The following POLD2 variants were observed in gnomAD, a reference collection of about 807,000 sequenced individuals.
The protein encoded by POLD2 is DNA polymerase delta subunit 2.
In POLD2, 31 loss-of-function variants were observed where a neutral mutation model predicts 48.8. The ratio of observed to expected loss-of-function variants is 0.64; its 90% CI spans 0.48 to 0.86. POLD2 has a LOEUF of 0.86. Among genes scored for constraint, POLD2 ranks in the 40% least tolerant of loss-of-function variants. The pLI is 0.00. For synonymous variants in POLD2, 233 were observed against 256.3 expected (o/e 0.91, Z 0.87); for missense variants, 455 against 610.1 (o/e 0.75, Z 2.68).
At chr7:44,117,823 C>T in intron 3 of POLD2, 81 bp from the exon 4 acceptor site, 1 of 1,601,718 alleles carries the variant, frequency 6.2e-7, no homozygotes, top group Non-Finnish European at 8.5e-7. Context: ...CACCGCAGCC[C>T]CCACCCCTCT....
chr7:44,122,530 A>T, intron 1 of POLD2: 2 of 851,608 alleles, frequency 2.3e-6, no homozygotes, highest in Non-Finnish European at 2.8e-6. Flanking sequence ...CCTATTATTA[A>T]ATAATAATAG....
At chr7:44,117,581 C>A in intron 4 of POLD2, 38 bp downstream of exon 4, 1 of 1,580,720 alleles carries the variant, frequency 6.3e-7, no homozygotes, top group South Asian at 1.2e-5. Flanking sequence ...CTGGGCTCTT[C>A]ACCTGCATCA....
At chr7:44,123,739 G>A (rs1365801344), upstream of POLD2, 7 of 1,330,434 alleles carry the variant, frequency 5.3e-6, no homozygotes, top group African/African-American at 3.1e-5. Context: ...ACGCGGGGCG[G>A]GGGCTCGCAG....
Position 44,118,082 on chromosome 7 carries a change from CAG to C in POLD2, c.221-20_221-19del. 6.2e-7 allele frequency: 1 copy of C among 1,613,256 alleles called. No individual in the cohort carries two copies. The highest frequency in any genetic ancestry group is 8.5e-7 in the Non-Finnish European group (1 of 1,179,510). ...TCCACTGCCTGGGACACGAGGGGTA[CAG>C]ACTCAGAGATGAAGTAGCCCCCCCG... is the stretch of plus-strand genomic sequence containing the variant. On this transcript the variant is annotated intron_variant, in intron 2 of 10. Coordinates refer to ENST00000610533, the MANE Select transcript of POLD2 (RefSeq NM_006230.4).
In POLD2 at chr7:44,121,823, C is replaced by T. The variant is rs777710513; in HGVS notation, c.220+11G>A. 65 of 1,607,024 alleles carry T rather than the reference C, an allele frequency of 4.0e-5. No individual in the cohort carries two copies. Among genetic ancestry groups the T allele is most frequent in the South Asian group, 1.7e-4 (15 of 90,652 alleles). On this transcript the variant is annotated intron_variant, in intron 2 of 10. Transcript: ENST00000610533. This position sits in a 1 kb window ranked among gnomAD's most constrained non-coding sequence, Gnocchi z 4.5. The stretch of plus-strand genomic sequence containing the variant: ...GCTGTGGGGGAAGCACCTTCCCAAA[C>T]TCTCACTTACCCCAGTGCTGCTGGG...
intron 2 of POLD2, 84 bp from the exon 3 acceptor site, chr7:44,118,148 G>A: frequency 6.7e-7 from 1 of 1,495,680 alleles, no homozygotes. Flanking sequence ...AGCACTCCAT[G>A]AGAGGCCAAT....
At chr7:44,117,295 C>A in intron 4 of POLD2, 48 bp from the exon 5 acceptor site, 1 of 1,377,538 alleles carries the variant, frequency 7.3e-7, no homozygotes, top group East Asian at 2.3e-5. Flanking sequence ...CAGGTGCTAC[C>A]ACTCCTTCCA....
upstream of POLD2, chr7:44,123,785 T>G (rs2096251825): frequency 8.6e-7 from 1 of 1,166,784 alleles, no homozygotes; most frequent in Admixed American, 4.2e-5. Flanking sequence ...CGGCCGCGCG[T>G]GCAGGGGTTG....
Position 44,116,226 on chromosome 7 carries a change from T to C in POLD2, c.908A>G (p.Asn303Ser), listed in dbSNP as rs3087366. 10 of 1,613,332 alleles carry C rather than the reference T, an allele frequency of 6.2e-6. 1 individual carries two copies. In the East Asian group the frequency reaches 2.2e-4, roughly 36 times the overall value. The change falls in exon 8 of 11, where the codon AAT becomes AGT. Residue 303 changes from asparagine (N) to serine (S), a missense_variant. Asn to Ser is a conservative substitution (Grantham distance 46, BLOSUM62 1). Transcript: ENST00000610533. The surrounding 1 kb of genome is among the most constrained non-coding windows in gnomAD (Gnocchi z 6.1). The stretch of plus-strand genomic sequence containing the variant: ...GAGGGGCTGCTGGGGGAGCGTGTAA[T>C]TGGTGGGATCAAACTCGCCTGGCAT... ...DVMPGEFDPT[N>S]YTLPQQPLHP...
chr7:44,115,123 G>GCCTC (rs1401992183), intron 10 of POLD2, among the ~76,000 whole-genome samples, 172 bp downstream of exon 10: 3 of 152,230 alleles, frequency 2.0e-5, no homozygotes, highest in Non-Finnish European at 4.4e-5. Flanking sequence ...CTGCCCAGCT[G>GCCTC]GCGAGGCAGC....
At chr7:44,119,788 T>G (rs2096245825) in intron 2 of POLD2, among the ~76,000 whole-genome samples, 2 of 152,296 alleles carry the variant, frequency 1.3e-5, no homozygotes, top group East Asian at 1.9e-4. Context: ...CTCAGCCCAC[T>G]GGGTCTAGGC....
chr7:44,118,934 A>G (rs2096244658), intron 2 of POLD2, among the ~76,000 whole-genome samples: 1 of 152,182 alleles, frequency 6.6e-6, no homozygotes, highest in South Asian at 2.1e-4. Context: ...CTTAAAAAGA[A>G]GCATGCCAAG....
Position 44,116,097 on chromosome 7 carries a change from T to C in POLD2, c.1019+18A>G, listed in dbSNP as rs770545411. 6 of 1,613,270 alleles carry C rather than the reference T, an allele frequency of 3.7e-6. No homozygotes were observed. The highest frequency in any genetic ancestry group is 5.1e-6 in the Non-Finnish European group (6 of 1,179,948). On this transcript the variant is annotated intron_variant, in intron 8 of 10. Transcript: ENST00000610533. This position sits in a 1 kb window ranked among gnomAD's most constrained non-coding sequence, Gnocchi z 6.1. ...GGCAAAAGGCTGGGTCAGACTGAAGTGTGGCTGTGCCAGCTACCTGACTCC... is the reference window on the plus strand; with the variant it reads ...GGCAAAAGGCTGGGTCAGACTGAAGCGTGGCTGTGCCAGCTACCTGACTCC...
Position 44,115,852 on chromosome 7 carries a change from C to T in POLD2, c.1061G>A (p.Arg354Gln), listed in dbSNP as rs141051604. 7.4e-5 allele frequency: 120 copies of T among 1,614,176 alleles called. 2 individuals are homozygous for T. The Admixed American group carries it at 1.0e-3, about 14-fold the overall frequency. ...CAAGTGATCCTCCATGCTGCTGTATCGGAAAATGTCACTCACGTTCTGTCC... is the reference window on the plus strand; with the variant it reads ...CAAGTGATCCTCCATGCTGCTGTATTGGAAAATGTCACTCACGTTCTGTCC... ...TSGQNVSDIF[R>Q]YSSMEDHLEI... Residue 354 changes from arginine to glutamine, a missense_variant, in exon 9 of 11, where the codon CGA (arginine) becomes CAA (glutamine). Physicochemically the swap from Arg to Gln is conservative, Grantham distance 43. Coordinates refer to ENST00000610533, the MANE Select transcript of POLD2 (RefSeq NM_006230.4).
At chr7:44,118,595 C>T (rs1021837559) in intron 2 of POLD2, among the ~76,000 whole-genome samples, 8 of 152,302 alleles carry the variant, frequency 5.3e-5, no homozygotes, top group African/African-American at 1.9e-4. Context: ...TCACTGCAAG[C>T]TCCGCCTCCC....
chr7:44,123,504 C>T lies in POLD2; in HGVS notation c.-57+7G>A. The T allele has an allele frequency of 1.3e-6, 2 of 1,489,436 alleles. No individual in the cohort carries two copies. Among genetic ancestry groups the T allele is most frequent in the Non-Finnish European group, 1.8e-6 (2 of 1,127,396 alleles). The allele number at this position is 1,489,436 out of a possible 1,614,324, so 92.3% of individuals were successfully genotyped here. A position where few individuals can be genotyped will look rare whatever the true frequency, so the allele number is the denominator to read the frequency against. ...CAGCTGACCCCGTTTCCCTGGACCCCACTCACCGCGCGGCGCGCCGCATCC... is the reference window on the plus strand; with the variant it reads ...CAGCTGACCCCGTTTCCCTGGACCCTACTCACCGCGCGGCGCGCCGCATCC... On this transcript the variant is annotated splice_region_variant and intron_variant, in intron 1 of 10. Transcript: ENST00000610533.
chr7:44,123,165 T>C (rs1413738198), intron 1 of POLD2: 4 of 988,796 alleles, frequency 4.0e-6, no homozygotes, highest in Non-Finnish European at 5.2e-6. Flanking sequence ...GTTTTACTTT[T>C]TTCGTACACC....
chr7:44,118,679 A>AT (rs550260995), intron 2 of POLD2, among the ~76,000 whole-genome samples: 24,378 of 145,414 alleles, frequency 0.17, 2,194 homozygotes, highest in South Asian at 0.25. Context: ...CGCCCAGCTA[A>AT]TTTTTTTTTT....
intron 2 of POLD2, 98 bp from the exon 3 acceptor site, chr7:44,118,162 A>C: frequency 7.6e-7 from 1 of 1,310,954 alleles, no homozygotes; most frequent in Non-Finnish European, 9.9e-7. Context: ...GGCCAATCAC[A>C]GGGCCCTGGC....
Sources: gnomAD v4.1 joint callset for allele counts (sites outside exome capture counted in the v4.1 genomes callset) on GRCh38, gnomAD v4.1.1 for gene constraint, Gnocchi (gnomAD v3.1) non-coding constraint, MANE v1.5 for transcripts, NCBI Gene and HGNC (gene_info 2026-07-23, HGNC 2026-07-21) for gene names.